Variants in LRRFIP1 observed in about 807,000 individuals in gnomAD.
The protein encoded by LRRFIP1 is LRR binding FLII interacting protein 1.
A neutral mutation model predicts 104.4 loss-of-function variants in LRRFIP1; 62 were observed. The ratio of observed to expected loss-of-function variants is 0.59; its 90% CI spans 0.48 to 0.73. The LOEUF is 0.73. LRRFIP1 is among the 30% of genes least tolerant of loss of function. The pLI is 0.00. For synonymous variants in LRRFIP1, 300 were observed against 299.0 expected (o/e 1.00, Z -0.03); for missense variants, 796 against 824.5 (o/e 0.97, Z 0.42).
At chr2:237,636,879 A>C (rs550677458) in intron 1 of LRRFIP1, among the ~76,000 whole-genome samples, 4 of 152,338 alleles carry the variant, frequency 2.6e-5, no homozygotes, top group South Asian at 2.1e-4. Flanking sequence ...CTTGACCACC[A>C]TGTCAGTGTT....
At chr2:237,757,569 A>T in intron 17 of LRRFIP1, 21 bp downstream of exon 17, 1 of 1,508,160 alleles carries the variant, frequency 6.6e-7, no homozygotes, top group Non-Finnish European at 9.0e-7. Flanking sequence ...CAAGTCTTGA[A>T]AATCTACTCA....
In LRRFIP1 at chr2:237,735,373, G is replaced by A. The variant is rs1335147182; in HGVS notation, c.555+40G>A. 2.5e-6 allele frequency: 4 copies of A among 1,592,888 alleles called. 1 individual carries two copies. Among genetic ancestry groups the A allele is most frequent in the Middle Eastern group, 3.3e-4 (2 of 5,996 alleles). Reference sequence around the variant, plus strand: ...GTGATACCTCCTTTCCCCCGTGCCTGCTGCATGGCCTGGGGATGCTCGCTG... The same window carrying A: ...GTGATACCTCCTTTCCCCCGTGCCTACTGCATGGCCTGGGGATGCTCGCTG... On this transcript the variant is annotated intron_variant, in intron 10 of 23. Coordinates refer to ENST00000308482, the MANE Select transcript of LRRFIP1 (RefSeq NM_001137550.2). This position sits in a 1 kb window ranked among gnomAD's most constrained non-coding sequence, Gnocchi z 4.6.
chr2:237,721,002 A>G (rs78997532), intron 6 of LRRFIP1, 180 bp downstream of exon 6: 1 of 594,502 alleles, frequency 1.7e-6, no homozygotes, highest in African/African-American at 1.9e-5. Flanking sequence ...TGCTGTAGAG[A>G]GATGATTTAT....
chr2:237,670,480 G>T (rs2090161793), intron 1 of LRRFIP1, among the ~76,000 whole-genome samples: 1 of 152,252 alleles, frequency 6.6e-6, no homozygotes, highest in South Asian at 2.1e-4. Flanking sequence ...TGAGCCAGAG[G>T]TCTGCTGAGC....
intron 1 of LRRFIP1, among the ~76,000 whole-genome samples, chr2:237,659,217 C>G (rs2087393710): frequency 6.6e-6 from 1 of 152,040 alleles, no homozygotes; most frequent in South Asian, 2.1e-4. Context: ...CCACAGCCTC[C>G]CAAGTAGCTG....
chr2:237,724,636 G>A (rs773366298), intron 7 of LRRFIP1, among the ~76,000 whole-genome samples: 24 of 152,190 alleles, frequency 1.6e-4, no homozygotes, highest in Non-Finnish European at 2.9e-4. Flanking sequence ...GGGCATTTCT[G>A]TGACACTGTA....
chr2:237,637,971 T>C (rs2083337121), intron 1 of LRRFIP1, among the ~76,000 whole-genome samples: 1 of 152,196 alleles, frequency 6.6e-6, no homozygotes, highest in African/African-American at 2.4e-5. Flanking sequence ...GGCTCTACCC[T>C]GTCTTCCCTA....
chr2:237,675,039 C>G (rs2090936931), intron 1 of LRRFIP1, among the ~76,000 whole-genome samples: 1 of 152,242 alleles, frequency 6.6e-6, no homozygotes, highest in Admixed American at 6.5e-5. Context: ...TGAGCGTCAC[C>G]CCAGCAACGG....
chr2:237,760,180 C>G lies in LRRFIP1; in HGVS notation c.1434C>G (p.Leu478=). ...TKMTKEELNA[L]KSTGDGTLDI... ...TGACAAAAGAAGAGTTAAATGCCCT[C>G]AAGTCGACAGGGGATGGGACCCTAG... The change falls in exon 19 of 24, where the codon CTC becomes CTG. Residue 478 remains leucine (L), a synonymous_variant. Coordinates refer to ENST00000308482, the MANE Select transcript of LRRFIP1 (RefSeq NM_001137550.2). 1 of 1,614,152 alleles carries G rather than the reference C, an allele frequency of 6.2e-7. No individual in the cohort carries two copies. Among genetic ancestry groups the G allele is most frequent in the African/African-American group, 1.3e-5 (1 of 75,034 alleles).
intron 1 of LRRFIP1, 78 bp downstream of exon 1, chr2:237,627,818 C>G (rs2081779606): frequency 1.1e-6 from 1 of 940,954 alleles, no homozygotes; most frequent in Non-Finnish European, 1.4e-6. Context: ...TCTCCGGCGT[C>G]CGTCTGTCCC....
At chr2:237,745,701 C>T (rs2057753505) in intron 11 of LRRFIP1, among the ~76,000 whole-genome samples, 2 of 152,114 alleles carry the variant, frequency 1.3e-5, no homozygotes, top group Admixed American at 1.3e-4. Flanking sequence ...CTTTTACGGT[C>T]TCAGATATCT....
intron 16 of LRRFIP1, 73 bp from the exon 17 acceptor site, chr2:237,757,383 A>G: frequency 2.1e-6 from 2 of 933,622 alleles, no homozygotes; most frequent in Non-Finnish European, 1.7e-6. Flanking sequence ...CCCAGCTCTC[A>G]GGTTCTCTCT....
Position 237,772,952 on chromosome 2 carries a change from G to A in LRRFIP1, c.1707+7G>A. The A allele has an allele frequency of 6.2e-7, 1 of 1,607,354 alleles. No homozygotes were observed. The highest frequency in any genetic ancestry group is 8.5e-7 in the Non-Finnish European group (1 of 1,173,866). On this transcript the variant is annotated splice_region_variant and intron_variant, in intron 22 of 23. Transcript: ENST00000308482. ...AACTGCATTAGAACAAAATGTACGT[G>A]TAAGCAACAACGGGCAGAACTGATG...
chr2:237,639,852 G>A (rs762359555), intron 1 of LRRFIP1, among the ~76,000 whole-genome samples: 6 of 152,120 alleles, frequency 3.9e-5, no homozygotes, highest in Non-Finnish European at 5.9e-5. Context: ...GATTTTGAAC[G>A]GCATCCCTGG....
intron 1 of LRRFIP1, among the ~76,000 whole-genome samples, chr2:237,694,491 A>T (rs1241816685): frequency 6.6e-6 from 1 of 152,158 alleles, no homozygotes; most frequent in Non-Finnish European, 1.5e-5. Context: ...GTAGGGCGTC[A>T]CCCAGCGGCT....
chr2:237,763,363 C>T (rs534575207), intron 19 of LRRFIP1: 148 of 1,613,368 alleles, frequency 9.2e-5, no homozygotes, highest in Admixed American at 6.2e-4. Flanking sequence ...TGAAAGAGCC[C>T]GATGAAGAAA....
chr2:237,770,489 C>T (rs1333680901), intron 20 of LRRFIP1: 1 of 158,186 alleles, frequency 6.3e-6, no homozygotes, highest in Admixed American at 6.2e-5. Context: ...CTTCATTGCT[C>T]TCTCCTACCT....
At chr2:237,738,393 G>A (rs2095316441) in intron 10 of LRRFIP1, among the ~76,000 whole-genome samples, 3 of 152,202 alleles carry the variant, frequency 2.0e-5, no homozygotes, top group South Asian at 4.1e-4. Flanking sequence ...ACAGTGCAGG[G>A]TGTCCAGGGG....
chr2:237,638,097 T>C (rs2083353290), intron 1 of LRRFIP1, among the ~76,000 whole-genome samples: 1 of 152,176 alleles, frequency 6.6e-6, no homozygotes, highest in African/African-American at 2.4e-5. Flanking sequence ...ACATTTATTG[T>C]GCACTTTGTT....
Sources: allele counts gnomAD v4.1 joint callset (sites outside exome capture counted in the v4.1 genomes callset), GRCh38; gene constraint gnomAD v4.1.1; non-coding constraint Gnocchi (gnomAD v3.1); transcripts MANE v1.5; gene names NCBI Gene and HGNC (gene_info 2026-07-23, HGNC 2026-07-21).